Variants in STXBP5 observed in about 807,000 individuals in gnomAD.
The protein encoded by STXBP5 is syntaxin binding protein 5.
Under a neutral mutation model 152.4 loss-of-function variants are expected in STXBP5, and 50 were observed. The ratio of observed to expected loss-of-function variants is 0.33; its 90% confidence interval spans 0.26 to 0.42. The LOEUF is 0.42. Among genes scored for constraint, STXBP5 ranks in the 10% least tolerant of loss-of-function variants. The pLI, the probability that STXBP5 is intolerant of heterozygous loss-of-function variation, is 1.00. For synonymous variants in STXBP5, 492 were observed against 494.7 expected, an observed-to-expected ratio of 0.99 and a Z score of 0.07; for missense variants, 1,167 against 1,388.6, an observed-to-expected ratio of 0.84 and a Z score of 2.54.
At chr6:147,337,022 A>G (rs1158793550) in intron 19 of STXBP5, among the ~76,000 whole-genome samples, 2 of 152,046 alleles carry the variant, frequency 1.3e-5, no homozygotes, top group South Asian at 2.1e-4. Context: ...TGGTCCCCCA[A>G]TAGAGAAAGT....
intron 2 of STXBP5, among the ~76,000 whole-genome samples, chr6:147,209,031 C>T (rs1051767372): frequency 6.6e-6 from 1 of 152,062 alleles, no homozygotes; most frequent in African/African-American, 2.4e-5. Flanking sequence ...AATAATGTTA[C>T]TGTCTTTATC....
chr6:147,336,197 G>A (rs754314091), intron 19 of STXBP5, among the ~76,000 whole-genome samples: 1 of 152,136 alleles, frequency 6.6e-6, no homozygotes, highest in Non-Finnish European at 1.5e-5. Flanking sequence ...GATAGCAGGA[G>A]ATAGCAGTTA....
At chr6:147,364,344 A>G (rs6924763) in intron 25 of STXBP5, among the ~76,000 whole-genome samples, 178 bp downstream of exon 25, 132,357 of 152,260 alleles carry the variant, frequency 0.87, 57,817 homozygotes, top group African/African-American at 0.96. Flanking sequence ...TAAAAGTATC[A>G]TCTTCAGACA....
chr6:147,322,920 T>G (rs1783010825), intron 16 of STXBP5, among the ~76,000 whole-genome samples: 1 of 152,180 alleles, frequency 6.6e-6, no homozygotes, highest in African/African-American at 2.4e-5. Context: ...AATGACAAGT[T>G]TAGTTCAGCA....
chr6:147,253,996 C>T (rs972475906), intron 4 of STXBP5, among the ~76,000 whole-genome samples: 4 of 152,024 alleles, frequency 2.6e-5, no homozygotes, highest in Admixed American at 6.6e-5. Flanking sequence ...CAATCCTAAG[C>T]GAAAAGAACA....
At chr6:147,309,390 A>T (rs77584053) in intron 9 of STXBP5, among the ~76,000 whole-genome samples, 4,296 of 152,262 alleles carry the variant, frequency 0.028, 212 homozygotes, top group African/African-American at 0.098. Flanking sequence ...CTCAGACCAT[A>T]ATATGTGAAA....
At chr6:147,289,672 A>C (rs1781177752) in intron 8 of STXBP5, among the ~76,000 whole-genome samples, 2 of 152,182 alleles carry the variant, frequency 1.3e-5, no homozygotes, top group African/African-American at 2.4e-5. Flanking sequence ...ATACATGACC[A>C]GTTAGGGATC....
intron 2 of STXBP5, among the ~76,000 whole-genome samples, chr6:147,210,396 G>T (rs1776787084): frequency 6.6e-6 from 1 of 151,496 alleles, no homozygotes. Flanking sequence ...TTTTGTTTTG[G>T]TTTTTTTTGG....
At chr6:147,305,648 G>A (rs1174494422) in intron 9 of STXBP5, among the ~76,000 whole-genome samples, 1 of 152,044 alleles carries the variant, frequency 6.6e-6, no homozygotes, top group Non-Finnish European at 1.5e-5. Context: ...TTCAAATTAG[G>A]TATTAATAGT....
chr6:147,317,512 G>C (rs750036003), intron 16 of STXBP5, among the ~76,000 whole-genome samples: 8 of 152,152 alleles, frequency 5.3e-5, no homozygotes, highest in African/African-American at 1.9e-4. Flanking sequence ...ACACTTAGTG[G>C]GTAGAGGCCA....
Position 147,204,786 on chromosome 6 carries a change from A to G in STXBP5, c.150+104A>G, listed in dbSNP as rs926597091. On this transcript the variant is annotated intron_variant, in intron 1 of 27. Coordinates refer to ENST00000321680, the MANE Select transcript of STXBP5 (RefSeq NM_001127715.4). This position sits in a 1 kb window ranked among gnomAD's most constrained non-coding sequence, Gnocchi z 4.3. The stretch of plus-strand genomic sequence containing the variant: ...GGGAATGCAAGGGAAGAGAACGCCA[A>G]TAATAATAATAATAACTCTAATAAA... The G allele has an allele frequency of 1.2e-5, 13 of 1,083,782 alleles. No individual in the cohort carries two copies. Among genetic ancestry groups the G allele is most frequent in the Middle Eastern group, 4.7e-4 (2 of 4,270 alleles). 67.1% of individuals were successfully genotyped at this position (1,083,782 alleles called of 1,614,324 possible).
intron 9 of STXBP5, among the ~76,000 whole-genome samples, chr6:147,302,880 C>T (rs990611626): frequency 3.0e-4 from 46 of 152,218 alleles, no homozygotes; most frequent in African/African-American, 7.7e-4. Flanking sequence ...TTTTTATAAT[C>T]AGGTTTTTTA....
At chr6:147,253,314 T>C (rs1236032714) in intron 4 of STXBP5, among the ~76,000 whole-genome samples, 1 of 152,154 alleles carries the variant, frequency 6.6e-6, no homozygotes, top group Admixed American at 6.5e-5. Context: ...TATCTCAAAA[T>C]AATGGCTATT....
At chr6:147,315,842 G>T (rs1782615359) in intron 15 of STXBP5, 107 bp downstream of exon 15, 3 of 911,712 alleles carry the variant, frequency 3.3e-6, no homozygotes, top group African/African-American at 1.7e-5. Context: ...CAGAACTTTT[G>T]AAAACACCTT....
chr6:147,287,776 T>G (rs574929936), intron 8 of STXBP5, among the ~76,000 whole-genome samples: 5 of 152,222 alleles, frequency 3.3e-5, no homozygotes, highest in Non-Finnish European at 7.3e-5. Context: ...TTTGTTTCTA[T>G]GGAATAAATA....
intron 16 of STXBP5, 145 bp from the exon 17 acceptor site, chr6:147,324,814 A>G: frequency 6.8e-6 from 5 of 733,634 alleles, no homozygotes; most frequent in Non-Finnish European, 9.6e-6. Flanking sequence ...TAGTCCCTCC[A>G]ACTAGGTTAA....
chr6:147,260,815 A>G (rs1779605996), intron 5 of STXBP5, 66 bp downstream of exon 5: 3 of 1,520,758 alleles, frequency 2.0e-6, no homozygotes, highest in South Asian at 1.2e-5. Context: ...CCGTTACATC[A>G]TAGCCAATCA....
At chr6:147,283,525 A>G (rs1407471160) in intron 8 of STXBP5, among the ~76,000 whole-genome samples, 1 of 152,146 alleles carries the variant, frequency 6.6e-6, no homozygotes, top group East Asian at 1.9e-4. Flanking sequence ...ATTCTGAAAC[A>G]TCCCTCCCCT....
At chr6:147,270,100 A>G (rs538372228) in intron 7 of STXBP5, among the ~76,000 whole-genome samples, 3 of 152,200 alleles carry the variant, frequency 2.0e-5, no homozygotes, top group African/African-American at 7.2e-5. Context: ...GGGAGCAAAA[A>G]TAAAAATGAC....
Sources: gnomAD v4.1 joint callset for allele counts (sites outside exome capture counted in the v4.1 genomes callset) on GRCh38, gnomAD v4.1.1 for gene constraint, Gnocchi (gnomAD v3.1) non-coding constraint, MANE v1.5 for transcripts, NCBI Gene and HGNC (gene_info 2026-07-23, HGNC 2026-07-21) for gene names.